Variants in POMK observed in about 807,000 individuals in gnomAD.
POMK encodes protein O-mannose kinase, also known as Sugen kinase 196.
POMK carries 19 observed loss-of-function variants against 23.0 expected under a neutral mutation model. That is an observed-to-expected ratio of 0.83 (90% CI 0.58 to 1.21). POMK has a LOEUF of 1.21. POMK is among the 50% of genes most tolerant of loss of function. The pLI is 0.00. For synonymous variants in POMK, 173 were observed against 171.6 expected (o/e 1.01, Z -0.06); for missense variants, 410 against 431.3 (o/e 0.95, Z 0.44).
chr8:43,114,868 C>G (rs977097055), intron 4 of POMK, among the ~76,000 whole-genome samples: 4 of 152,164 alleles, frequency 2.6e-5, no homozygotes, highest in African/African-American at 9.7e-5. Flanking sequence ...TGCTCAAAGT[C>G]TGGAATGTAG....
Position 43,108,106 on chromosome 8 carries a change from T to C in POMK, c.282+4276T>C, listed in dbSNP as rs1250729564. Among the ~76,000 whole-genome samples, 3 of 152,352 alleles carry C rather than the reference T, an allele frequency of 2.0e-5. No homozygotes were observed. In the East Asian group the frequency reaches 5.8e-4, roughly 29 times the overall value. ...ATAGGTTTGTACCTTCAAATACTTA[T>C]GAGTTGGGTAAGTTCCTCTCCTCTT... On this transcript the variant is annotated intron_variant, in intron 4 of 4. Transcript: ENST00000331373.
intron 4 of POMK, among the ~76,000 whole-genome samples, chr8:43,106,660 C>T (rs1421744369): frequency 1.3e-5 from 2 of 151,982 alleles, no homozygotes; most frequent in African/African-American, 2.4e-5. Flanking sequence ...CAGGCGCCCA[C>T]CACCATGCCT....
intron 4 of POMK, among the ~76,000 whole-genome samples, chr8:43,116,805 A>T (rs889266890): frequency 6.6e-6 from 1 of 152,202 alleles, no homozygotes; most frequent in Non-Finnish European, 1.5e-5. Flanking sequence ...GGTAGATTTC[A>T]TGCATGTCCG....
At chr8:43,100,818 C>T (rs1311355861) in intron 2 of POMK, among the ~76,000 whole-genome samples, 3 of 151,792 alleles carry the variant, frequency 2.0e-5, no homozygotes, top group Admixed American at 1.3e-4. Flanking sequence ...GTCTTGGTAC[C>T]GTCAGAGGCC....
At chr8:43,121,926 C>G (rs1274440909) in intron 4 of POMK, among the ~76,000 whole-genome samples, 181 bp from the exon 5 acceptor site, 7 of 152,246 alleles carry the variant, frequency 4.6e-5, no homozygotes, top group African/African-American at 1.7e-4. Flanking sequence ...TTGCTGAATG[C>G]TGTGTTTGCT....
At chr8:43,109,033 A>G (rs938614196) in intron 4 of POMK, among the ~76,000 whole-genome samples, 42 of 152,238 alleles carry the variant, frequency 2.8e-4, no homozygotes, top group Non-Finnish European at 5.6e-4. Context: ...TTTCTATTTG[A>G]CAGTGTTTCC....
intron 2 of POMK, among the ~76,000 whole-genome samples, chr8:43,101,423 A>G (rs1811438651): frequency 6.6e-6 from 1 of 151,408 alleles, no homozygotes; most frequent in South Asian, 2.1e-4. Flanking sequence ...ATGTCAAAAA[A>G]AAAAAAAAAA....
rs765276659 is a variant in POMK at position 43,122,158 on chromosome 8, A to G, written c.334A>G (p.Ser112Gly). 5 of 1,614,110 alleles carry G rather than the reference A, an allele frequency of 3.1e-6. No homozygotes were observed. Among genetic ancestry groups the G allele is most frequent in the African/African-American group, 1.3e-5 (1 of 74,940 alleles). ...EHKVALSQLT[S>G]LEMKDDFLHG... is the part of the protein sequence containing the mutation. ...CAAAGTTGCACTCTCACAGCTCACC[A>G]GCCTGGAGATGAAAGATGATTTCCT... Residue 112 changes from serine to glycine, a missense_variant, in exon 5 of 5, where the codon AGC (serine) becomes GGC (glycine). Physicochemically the swap from Ser to Gly is moderately conservative, Grantham distance 56. Transcript: ENST00000331373.
chr8:43,115,052 T>C (rs1586677278), intron 4 of POMK, among the ~76,000 whole-genome samples: 2 of 152,244 alleles, frequency 1.3e-5, no homozygotes, highest in South Asian at 4.1e-4. Context: ...TTCTTTCTCT[T>C]AAATTATTTT....
At chr8:43,115,550 A>G (rs935558454) in intron 4 of POMK, among the ~76,000 whole-genome samples, 20 of 152,130 alleles carry the variant, frequency 1.3e-4, no homozygotes, top group African/African-American at 4.8e-4. Flanking sequence ...CTTTTGGAAG[A>G]GACCTGGAAT....
intron 4 of POMK, among the ~76,000 whole-genome samples, chr8:43,111,514 A>C (rs1183341737): frequency 6.6e-6 from 1 of 152,200 alleles, no homozygotes; most frequent in Non-Finnish European, 1.5e-5. Context: ...AGACAAACAA[A>C]AGACAGTAAT....
Position 43,115,900 on chromosome 8 carries a change from G to C in POMK, c.283-6207G>C, listed in dbSNP as rs142409010. Among the ~76,000 whole-genome samples, 381 of 152,314 alleles carry C rather than the reference G, an allele frequency of 2.5e-3. 2 individuals are homozygous for C. The highest frequency in any genetic ancestry group is 0.011 in the South Asian group (53 of 4,832). ...TCTACTCCAGCATCAGAGCCATGCT[G>C]TTCTGGAAGCCTGTGGGCATGCTGC... is the stretch of plus-strand genomic sequence containing the variant. On this transcript the variant is annotated intron_variant, in intron 4 of 4. Coordinates refer to ENST00000331373, the MANE Select transcript of POMK (RefSeq NM_032237.5).
At chr8:43,107,347 G>A (rs970129139) in intron 4 of POMK, among the ~76,000 whole-genome samples, 2 of 152,106 alleles carry the variant, frequency 1.3e-5, no homozygotes, top group African/African-American at 4.8e-5. Flanking sequence ...TATTATGCTT[G>A]GCCTGATTAT....
chr8:43,120,417 C>T (rs1006911241), intron 4 of POMK, among the ~76,000 whole-genome samples: 1 of 151,194 alleles, frequency 6.6e-6, no homozygotes, highest in South Asian at 2.1e-4. Flanking sequence ...TTTTAGGTTT[C>T]GTCATGTTGG....
chr8:43,117,232 T>G (rs905155568), intron 4 of POMK, among the ~76,000 whole-genome samples: 6 of 152,224 alleles, frequency 3.9e-5, no homozygotes, highest in African/African-American at 1.4e-4. Context: ...TTCAGTTACT[T>G]CAGGCCATCT....
At chr8:43,121,857 C>T (rs145651047) in intron 4 of POMK, among the ~76,000 whole-genome samples, 2 of 152,374 alleles carry the variant, frequency 1.3e-5, no homozygotes, top group African/African-American at 4.8e-5. Context: ...CTCTCAGTGT[C>T]CTGCCCAGAG....
chr8:43,110,916 G>A (rs752510012), intron 4 of POMK, among the ~76,000 whole-genome samples: 7 of 151,434 alleles, frequency 4.6e-5, no homozygotes, highest in Non-Finnish European at 8.8e-5. Context: ...GTGAGCCTCC[G>A]TCTTAAAAAA....
At chr8:43,121,517 T>C (rs796331136) in intron 4 of POMK, among the ~76,000 whole-genome samples, 3 of 152,344 alleles carry the variant, frequency 2.0e-5, no homozygotes, top group African/African-American at 7.2e-5. Flanking sequence ...TACATATAAA[T>C]GTTCCTATTT....
In POMK at chr8:43,103,838, C is replaced by T. The variant is rs376305406; in HGVS notation, c.282+8C>T. 22 of 1,613,062 alleles carry T rather than the reference C, an allele frequency of 1.4e-5. No individual in the cohort carries two copies. Among genetic ancestry groups the T allele is most frequent in the Admixed American group, 1.2e-4 (7 of 59,970 alleles). ...GAAGGAGCTGTAAAGAGAGTGAGTC[C>T]GGGTTCATTTGCGATTGCTGTCATC... On this transcript the variant is annotated splice_region_variant and intron_variant, in intron 4 of 4. Transcript: ENST00000331373.
Sources: allele counts gnomAD v4.1 joint callset (sites outside exome capture counted in the v4.1 genomes callset), GRCh38; gene constraint gnomAD v4.1.1; transcripts MANE v1.5; gene names NCBI Gene and HGNC (gene_info 2026-07-23, HGNC 2026-07-21).